The following PLXDC2 variants were observed in gnomAD, a reference collection of about 807,000 sequenced individuals.
The protein encoded by PLXDC2 is plexin domain-containing protein 2.
A neutral mutation model predicts 68.9 loss-of-function variants in PLXDC2; 40 were observed. The observed-to-expected ratio is 0.58, with a 90% CI of 0.45 to 0.76. The LOEUF (loss-of-function observed/expected upper bound fraction) is 0.76, where lower values mean the gene tolerates loss of function less well. Ranked by LOEUF, PLXDC2 falls within the 30% of genes least tolerant of loss-of-function variation. PLXDC2 has a pLI of 0.00. For synonymous variants in PLXDC2, 243 were observed against 234.2 expected, an observed-to-expected ratio of 1.04 and a Z score of -0.34; for missense variants, 644 against 661.9, an observed-to-expected ratio of 0.97 and a Z score of 0.30.
chr10:19,870,823 G>T (rs1259240280), intron 1 of PLXDC2, among the ~76,000 whole-genome samples: 1 of 152,210 alleles, frequency 6.6e-6, no homozygotes, highest in Non-Finnish European at 1.5e-5. Flanking sequence ...GAGAAAATCT[G>T]TCATATGTAA....
intron 1 of PLXDC2, among the ~76,000 whole-genome samples, chr10:19,919,252 C>T (rs183234110): frequency 9.8e-4 from 149 of 152,242 alleles, no homozygotes; most frequent in African/African-American, 3.3e-3. Context: ...AATAAAAATC[C>T]ATCTTATAAA....
chr10:20,242,779 C>G (rs1018608846), intron 12 of PLXDC2, among the ~76,000 whole-genome samples: 1 of 152,114 alleles, frequency 6.6e-6, no homozygotes, highest in African/African-American at 2.4e-5. Flanking sequence ...GGCAGGATCT[C>G]GGCTCCCTGC....
chr10:20,271,401 A>G (rs1835939229), intron 13 of PLXDC2, among the ~76,000 whole-genome samples: 1 of 152,170 alleles, frequency 6.6e-6, no homozygotes, highest in Admixed American at 6.5e-5. Context: ...TCAGAGAGAT[A>G]TAGTATTGAG....
intron 1 of PLXDC2, among the ~76,000 whole-genome samples, chr10:19,837,842 GT>G (rs1836828707): frequency 6.6e-6 from 1 of 151,972 alleles, no homozygotes; most frequent in East Asian, 1.9e-4. Context: ...TGTCCTTTTT[GT>G]TTTGGTTTAG....
At chr10:20,165,852 A>G (rs1834367570) in intron 7 of PLXDC2, among the ~76,000 whole-genome samples, 1 of 152,126 alleles carries the variant, frequency 6.6e-6, no homozygotes, top group Non-Finnish European at 1.5e-5. Flanking sequence ...TTCTGACCCT[A>G]TAAATAGGCA....
chr10:20,115,228 A>G (rs537778891), intron 4 of PLXDC2, among the ~76,000 whole-genome samples: 1 of 152,294 alleles, frequency 6.6e-6, no homozygotes, highest in Non-Finnish European at 1.5e-5. Flanking sequence ...TCAGCATTGC[A>G]AAGCTTATAA....
chr10:19,875,936 A>G (rs1014905032), intron 1 of PLXDC2, among the ~76,000 whole-genome samples: 7 of 152,206 alleles, frequency 4.6e-5, no homozygotes, highest in Non-Finnish European at 1.0e-4. Flanking sequence ...AAAGCAGTCT[A>G]TGCAAATTTA....
intron 1 of PLXDC2, among the ~76,000 whole-genome samples, chr10:19,944,434 A>G (rs982024235): frequency 5.9e-5 from 9 of 151,930 alleles, no homozygotes; most frequent in Admixed American, 2.6e-4. Flanking sequence ...AGATGTCTGC[A>G]TTCATATTGT....
intron 1 of PLXDC2, among the ~76,000 whole-genome samples, chr10:19,945,400 G>A (rs1447050894): frequency 6.6e-6 from 1 of 152,156 alleles, no homozygotes; most frequent in Non-Finnish European, 1.5e-5. Context: ...AGTCCTGCTG[G>A]TGATTAGGTA....
intron 4 of PLXDC2, among the ~76,000 whole-genome samples, chr10:20,117,079 C>T (rs756407683): frequency 1.9e-4 from 29 of 150,734 alleles, no homozygotes; most frequent in East Asian, 1.6e-3. Flanking sequence ...AGCAGTTGAG[C>T]GAGATTGTAG....
chr10:20,280,044 G>A lies in PLXDC2; in HGVS notation c.*225G>A. On this transcript the variant is annotated 3_prime_UTR_variant, in exon 14 of 14. Transcript: ENST00000377252. ...TTTACACTGAACATAGAATTCCCTA[G>A]TGGAATGTCATCTATAGTTCACTCG... 4.1e-6 allele frequency: 2 copies of A among 482,920 alleles called. No individual in the cohort carries two copies. The highest frequency in any genetic ancestry group is 7.3e-6 in the Non-Finnish European group (2 of 272,176). The allele number at this position is 482,920 out of a possible 1,614,324, so 29.9% of individuals were successfully genotyped here. A position where few individuals can be genotyped will look rare whatever the true frequency, so the allele number is the denominator to read the frequency against.
At position 20,026,445 on chromosome 10, in the gene PLXDC2, G is replaced by A. The variant is rs1029670924; in HGVS notation, c.325-20424G>A. Among the ~76,000 whole-genome samples, 4 of 152,076 alleles carry A rather than the reference G, an allele frequency of 2.6e-5. No homozygotes were observed. In the East Asian group the frequency reaches 5.8e-4, roughly 22 times the overall value. On this transcript the variant is annotated intron_variant, in intron 2 of 13. Transcript: ENST00000377252. ...TCCAAACTGGTCAATTTAATCATGTGATTTATCTCCTTGAAGGAAAGAAAA... is the reference window on the plus strand; with the variant it reads ...TCCAAACTGGTCAATTTAATCATGTAATTTATCTCCTTGAAGGAAAGAAAA...
At chr10:20,161,619 C>A (rs1834293344) in intron 6 of PLXDC2, among the ~76,000 whole-genome samples, 1 of 150,908 alleles carries the variant, frequency 6.6e-6, no homozygotes, top group African/African-American at 2.4e-5. Context: ...GAGGAGAGGG[C>A]TTGACATAGA....
intron 6 of PLXDC2, among the ~76,000 whole-genome samples, chr10:20,153,744 A>T (rs185702906): frequency 1.9e-4 from 29 of 152,308 alleles, no homozygotes; most frequent in Admixed American, 1.8e-3. Flanking sequence ...ATACCCAGAG[A>T]CCTTAAGTAA....
At chr10:19,848,763 T>C (rs11594168) in intron 1 of PLXDC2, among the ~76,000 whole-genome samples, 8,692 of 152,182 alleles carry the variant, frequency 0.057, 265 homozygotes, top group Middle Eastern at 0.11. Flanking sequence ...GCTGTTCTTT[T>C]TGGCTGCACT....
intron 1 of PLXDC2, among the ~76,000 whole-genome samples, chr10:20,000,930 C>G (rs140494631): frequency 1.4e-4 from 22 of 152,328 alleles, no homozygotes; most frequent in African/African-American, 5.1e-4. Context: ...TTGTGGCATG[C>G]TTTCCCCTGC....
chr10:19,938,519 G>T (rs933758816), intron 1 of PLXDC2, among the ~76,000 whole-genome samples: 1 of 152,006 alleles, frequency 6.6e-6, no homozygotes, highest in African/African-American at 2.4e-5. Context: ...TTGGCGGGGG[G>T]CTATACAATT....
chr10:19,906,655 A>G (rs1026060005), intron 1 of PLXDC2, among the ~76,000 whole-genome samples: 1 of 152,006 alleles, frequency 6.6e-6, no homozygotes, highest in Non-Finnish European at 1.5e-5. Context: ...GGTTTTTACT[A>G]TCTCTAGGAA....
chr10:19,876,309 T>C (rs911937491), intron 1 of PLXDC2, among the ~76,000 whole-genome samples: 1 of 152,206 alleles, frequency 6.6e-6, no homozygotes, highest in Non-Finnish European at 1.5e-5. Flanking sequence ...TTGCAGAAAC[T>C]GGATCTTTTT....
Sources: gnomAD v4.1 joint callset for allele counts (sites outside exome capture counted in the v4.1 genomes callset) on GRCh38, gnomAD v4.1.1 for gene constraint, MANE v1.5 for transcripts, NCBI Gene and HGNC (gene_info 2026-07-23, HGNC 2026-07-21) for gene names.